Variants in C11orf65 observed in about 807,000 individuals in gnomAD.
C11orf65 encodes the protein chromosome 11 open reading frame 65, also known as protein MFI.
C11orf65 carries 38 observed loss-of-function variants against 35.3 expected under a neutral mutation model. The observed-to-expected ratio is 1.08, with a 90% CI of 0.83 to 1.41. The LOEUF (loss-of-function observed/expected upper bound fraction) is 1.41, where lower values mean the gene tolerates loss of function less well. Among genes scored for constraint, C11orf65 ranks in the 40% most tolerant of loss-of-function variants. C11orf65 has a pLI of 0.00. For missense variants in C11orf65, 370 were observed against 367.1 expected (o/e 1.01, Z -0.06); for synonymous variants, 105 against 114.4 (o/e 0.92, Z 0.53).
At chr11:108,337,473 A>G (rs759373207) in intron 2 of C11orf65, among the ~76,000 whole-genome samples, 5 of 152,210 alleles carry the variant, frequency 3.3e-5, no homozygotes, top group Non-Finnish European at 7.3e-5. Context: ...TCACTTAGAG[A>G]GTTTGTTAAA....
At chr11:108,335,166 T>C in intron 3 of C11orf65, 1 of 1,611,266 alleles carries the variant, frequency 6.2e-7, no homozygotes, top group Non-Finnish European at 8.5e-7. Context: ...AAATTTTTAG[T>C]TCATATTTTC....
intron 6 of C11orf65, among the ~76,000 whole-genome samples, chr11:108,402,067 C>T (rs1031155408): frequency 2.6e-5 from 4 of 152,172 alleles, no homozygotes; most frequent in African/African-American, 9.7e-5. Flanking sequence ...GGTTTATAAA[C>T]TATCTCCTCT....
intron 3 of C11orf65, among the ~76,000 whole-genome samples, chr11:108,416,323 A>G (rs2092730414): frequency 6.6e-6 from 1 of 152,238 alleles, no homozygotes; most frequent in African/African-American, 2.4e-5. Context: ...GAAGATATAC[A>G]GACGATACAT....
downstream of C11orf65, chr11:108,329,020 G>A (rs2085972658): frequency 6.2e-7 from 1 of 1,613,300 alleles, no homozygotes; most frequent in South Asian, 1.1e-5. Flanking sequence ...TTTTCTTGAA[G>A]GCAGTAGAAG....
At chr11:108,383,453 C>G (rs2091910568) in intron 8 of C11orf65, among the ~76,000 whole-genome samples, 1 of 152,180 alleles carries the variant, frequency 6.6e-6, no homozygotes, top group Admixed American at 6.5e-5. Context: ...TAACCTAAGT[C>G]TTAGTGCTCT....
In C11orf65 at chr11:108,315,913, TA is replaced by T. The variant is rs1555113628; in HGVS notation, c.641-6843del. 6.2e-7 allele frequency: 1 copy of T among 1,610,310 alleles called. No individual in the cohort carries two copies. The highest frequency in any genetic ancestry group is 8.5e-7 in the Non-Finnish European group (1 of 1,176,504). On this transcript the variant is annotated intron_variant, in intron 6 of 6. Transcript: ENST00000525729. ...GAAGATGTTACAACCCATTACTAGG[TA>T]AATTGCATTTTTCTAAACAACGGTA...
chr11:108,408,544 C>T (rs1382938262), intron 3 of C11orf65, among the ~76,000 whole-genome samples: 1 of 151,428 alleles, frequency 6.6e-6, no homozygotes, highest in Non-Finnish European at 1.5e-5. Context: ...GGTGTGGTGT[C>T]GGATGCCTGT....
chr11:108,440,209 G>T (rs1373810069), intron 2 of C11orf65, among the ~76,000 whole-genome samples: 1 of 152,176 alleles, frequency 6.6e-6, no homozygotes. Context: ...GCCCTTTCTA[G>T]CTTAACCCTC....
chr11:108,325,500 C>T lies in C11orf65; in HGVS notation c.641-16429G>A, dbSNP rs2085578159. Reference sequence around the variant, plus strand: ...TATTAAGGACATTCTCACCAAACACCTTGTAGAACTCTCTATACTGGCCAG... The same window carrying T: ...TATTAAGGACATTCTCACCAAACACTTTGTAGAACTCTCTATACTGGCCAG... On this transcript the variant is annotated intron_variant, in intron 6 of 6. Coordinates refer to the C11orf65 transcript ENST00000525729. 1 of 1,613,062 alleles carries T rather than the reference C, an allele frequency of 6.2e-7. No homozygotes were observed. Among genetic ancestry groups the T allele is most frequent in the Non-Finnish European group, 8.5e-7 (1 of 1,179,746 alleles).
intron 6 of C11orf65, among the ~76,000 whole-genome samples, chr11:108,394,374 T>C (rs2092255348): frequency 6.6e-6 from 1 of 152,170 alleles, no homozygotes; most frequent in Admixed American, 6.5e-5. Context: ...GAGGCCAGCC[T>C]GGGCAACAGA....
intron 3 of C11orf65, among the ~76,000 whole-genome samples, chr11:108,333,212 C>G (rs1001912149): frequency 6.6e-6 from 1 of 152,102 alleles, no homozygotes; most frequent in Non-Finnish European, 1.5e-5. Flanking sequence ...CTGAACATTT[C>G]TAGCCTCAAA....
rs1283751657 is a variant in C11orf65, at chr11:108,373,078, T to TA, written c.226+20129dup. ...TCGGTGACAGAGTGAGACTGTCTCA[T>TA]AAAAAAAAAAAATTAAAAGAAAGAA... is the stretch of plus-strand genomic sequence containing the variant. On this transcript the variant is annotated intron_variant, in intron 2 of 3. Transcript: ENST00000524755. Among the ~76,000 whole-genome samples, 946 of 143,060 alleles carry TA rather than the reference T, an allele frequency of 6.6e-3. 9 individuals are homozygous for TA. The highest frequency in any genetic ancestry group is 0.022 in the African/African-American group (850 of 39,100). 93.9% of individuals were successfully genotyped at this position (143,060 alleles called of 152,430 possible). A position where few individuals can be genotyped will look rare whatever the true frequency, so the allele number is the denominator to read the frequency against.
downstream of C11orf65, chr11:108,331,361 G>A: frequency 6.5e-7 from 1 of 1,532,556 alleles, no homozygotes; most frequent in Non-Finnish European, 8.8e-7. Context: ...GAGGAGCACT[G>A]TCTTAAAATA....
chr11:108,334,425 CTCTGT>C (rs2086611171), intron 3 of C11orf65, among the ~76,000 whole-genome samples: 1 of 152,154 alleles, frequency 6.6e-6, no homozygotes, highest in Non-Finnish European at 1.5e-5. Context: ...ATACACTTAG[CTCTGT>C]TCTAATATTC....
At chr11:108,362,088 A>C (rs1464728571) in intron 2 of C11orf65, among the ~76,000 whole-genome samples, 1 of 137,158 alleles carries the variant, frequency 7.3e-6, no homozygotes, top group Non-Finnish European at 1.6e-5. Flanking sequence ...CAATGAACTC[A>C]AACAAATTTA....
intron 3 of C11orf65, among the ~76,000 whole-genome samples, chr11:108,409,956 G>A (rs1466732577): frequency 6.6e-6 from 1 of 152,142 alleles, no homozygotes; most frequent in Non-Finnish European, 1.5e-5. Context: ...CAAAAAGTTA[G>A]GACTGCTGCT....
intron 2 of C11orf65, among the ~76,000 whole-genome samples, chr11:108,437,182 TAGC>T (rs2093073878): frequency 6.6e-6 from 1 of 150,822 alleles, no homozygotes; most frequent in African/African-American, 2.4e-5. Flanking sequence ...AGCTACTCAG[TAGC>T]TTGAGGTAGG....
At chr11:108,461,676 G>A (rs904853940) in intron 1 of C11orf65, 108 bp from the exon 2 acceptor site, 2 of 697,404 alleles carry the variant, frequency 2.9e-6, no homozygotes, top group African/African-American at 3.7e-5. Context: ...CACCCAAGCT[G>A]GAGTGCAGTG....
chr11:108,444,791 G>A (rs2093223746), intron 2 of C11orf65, among the ~76,000 whole-genome samples: 1 of 152,160 alleles, frequency 6.6e-6, no homozygotes, highest in Non-Finnish European at 1.5e-5. Context: ...TGCACGAGCT[G>A]AAGCAGGGCA....
Sources: gnomAD v4.1 joint callset for allele counts (sites outside exome capture counted in the v4.1 genomes callset) on GRCh38, gnomAD v4.1.1 for gene constraint, MANE v1.5 for transcripts, NCBI Gene and HGNC (gene_info 2026-07-23, HGNC 2026-07-21) for gene names.